Variants in BAZ1B observed in about 807,000 individuals in gnomAD.
BAZ1B encodes bromodomain adjacent to zinc finger domain 1B, also known as tyrosine-protein kinase BAZ1B.
A neutral mutation model predicts 153.8 loss-of-function variants in BAZ1B; 22 were observed. The ratio of observed to expected loss-of-function variants is 0.14; its 90% CI spans 0.10 to 0.20. The LOEUF is 0.20. Ranked by LOEUF, BAZ1B falls within the 10% of genes least tolerant of loss-of-function variation. The probability of loss-of-function intolerance (pLI) is 1.00; values close to 1 mark genes in which losing one functional copy is unlikely to be tolerated. For missense variants in BAZ1B, 1,325 were observed against 1,799.3 expected (o/e 0.74, Z 4.77); for synonymous variants, 676 against 633.4 (o/e 1.07, Z -1.01).
intron 12 of BAZ1B, chr7:73,462,678 T>C (rs1788435036): frequency 6.1e-6 from 3 of 494,294 alleles, no homozygotes; most frequent in South Asian, 4.3e-5. Context: ...TTCACCTTAG[T>C]AGTGAAGCTC....
At chr7:73,467,171 G>A (rs1327316526) in intron 9 of BAZ1B, among the ~76,000 whole-genome samples, 2 of 151,552 alleles carry the variant, frequency 1.3e-5, no homozygotes, top group African/African-American at 2.4e-5. Context: ...GACCTCAGGT[G>A]ATCCGCCCGC....
intron 4 of BAZ1B, among the ~76,000 whole-genome samples, chr7:73,493,839 CAA>C (rs142781016): frequency 5.7e-4 from 33 of 58,256 alleles, no homozygotes; most frequent in Admixed American, 9.7e-4. Context: ...ACCCTGTCTC[CAA>C]AAAAAAAAAA....
chr7:73,445,174 T>TC (rs1465004017), intron 16 of BAZ1B, among the ~76,000 whole-genome samples: 1 of 152,100 alleles, frequency 6.6e-6, no homozygotes, highest in Non-Finnish European at 1.5e-5. Context: ...TCCACCACCT[T>TC]CCCTTGGGGA....
chr7:73,499,985 T>TA (rs1480632982), intron 3 of BAZ1B, among the ~76,000 whole-genome samples: 1 of 152,184 alleles, frequency 6.6e-6, no homozygotes, highest in Non-Finnish European at 1.5e-5. Flanking sequence ...ACTGTTCTGT[T>TA]ATTGTTTTAA....
At chr7:73,501,398 A>G (rs1384300122) in intron 3 of BAZ1B, among the ~76,000 whole-genome samples, 1 of 152,066 alleles carries the variant, frequency 6.6e-6, no homozygotes, top group Non-Finnish European at 1.5e-5. Context: ...GTCCAACCAC[A>G]CTGATTTTTC....
At chr7:73,458,624 T>C (rs1412337132) in intron 13 of BAZ1B, among the ~76,000 whole-genome samples, 1 of 147,466 alleles carries the variant, frequency 6.8e-6, no homozygotes, top group Non-Finnish European at 1.5e-5. Flanking sequence ...TGCAGTGAGC[T>C]GAGATTATGC....
chr7:73,474,035 T>TACTA (rs1563378416), intron 7 of BAZ1B, among the ~76,000 whole-genome samples: 2 of 152,196 alleles, frequency 1.3e-5, no homozygotes, highest in Non-Finnish European at 1.5e-5. Context: ...TTCCGAAACT[T>TACTA]ACTACAAAGC....
intron 19 of BAZ1B, 45 bp downstream of exon 19, chr7:73,442,136 T>TACCAG: frequency 1.7e-6 from 1 of 573,492 alleles, no homozygotes; most frequent in Middle Eastern, 5.5e-4. Context: ...CTCGCTCGCC[T>TACCAG]CCCTCCCACC....
At chr7:73,518,217 C>G (rs1403335661) in intron 1 of BAZ1B, among the ~76,000 whole-genome samples, 1 of 146,124 alleles carries the variant, frequency 6.8e-6, no homozygotes, top group Non-Finnish European at 1.5e-5. Flanking sequence ...CTGGCTAACA[C>G]AATGAAACCC....
At chr7:73,454,209 C>T (rs1485947871) in intron 13 of BAZ1B, among the ~76,000 whole-genome samples, 1 of 151,876 alleles carries the variant, frequency 6.6e-6, no homozygotes, top group Non-Finnish European at 1.5e-5. Flanking sequence ...ACCTGTAGTT[C>T]CAGCTACTCG....
chr7:73,515,529 T>C (rs1790762312), intron 1 of BAZ1B, among the ~76,000 whole-genome samples: 1 of 145,698 alleles, frequency 6.9e-6, no homozygotes, highest in African/African-American at 2.6e-5. Context: ...CCAGCCTTGT[T>C]CCTTTTTTTT....
chr7:73,470,887 A>G (rs1025126351), intron 7 of BAZ1B, among the ~76,000 whole-genome samples: 34 of 152,012 alleles, frequency 2.2e-4, no homozygotes, highest in African/African-American at 6.5e-4. Flanking sequence ...GGCACACACC[A>G]CCGTGTCCAG....
rs143538934 is a variant in BAZ1B at position 73,470,334 on chromosome 7, T to A, written c.2732+11A>T. On this transcript the variant is annotated intron_variant, in intron 8 of 19. Transcript: ENST00000339594. ...TCCTAAAGAAAACAAAAATTTGGTTTAGGAACTGACCTATTATGGTTTCGA... is the reference window on the plus strand; with the variant it reads ...TCCTAAAGAAAACAAAAATTTGGTTAAGGAACTGACCTATTATGGTTTCGA... The A allele has an allele frequency of 1.4e-5, 23 of 1,598,916 alleles. No individual in the cohort carries two copies. Among genetic ancestry groups the A allele is most frequent in the Non-Finnish European group, 1.9e-5 (22 of 1,172,910 alleles).
chr7:73,476,847 T>C, intron 7 of BAZ1B, 21 bp downstream of exon 7: 2 of 1,572,814 alleles, frequency 1.3e-6, no homozygotes, highest in South Asian at 1.2e-5. Context: ...CTTCCCCTTT[T>C]CTCTCAGCAT....
chr7:73,475,801 G>A (rs930872341), intron 7 of BAZ1B, among the ~76,000 whole-genome samples: 1 of 151,918 alleles, frequency 6.6e-6, no homozygotes, highest in Non-Finnish European at 1.5e-5. Context: ...GCGCATGCCT[G>A]TAATCCCAGC....
intron 9 of BAZ1B, among the ~76,000 whole-genome samples, chr7:73,469,048 T>G (rs1240062085): frequency 2.0e-5 from 3 of 151,192 alleles, no homozygotes; most frequent in African/African-American, 7.3e-5. Flanking sequence ...GAGAAGTGTT[T>G]GAACCCAGGA....
intron 4 of BAZ1B, among the ~76,000 whole-genome samples, chr7:73,495,821 C>T (rs1554576304): frequency 6.6e-6 from 1 of 152,090 alleles, no homozygotes; most frequent in Admixed American, 6.6e-5. Context: ...TAAGTGGGAG[C>T]TAAATGATGA....
At chr7:73,454,375 C>A (rs781886716) in intron 13 of BAZ1B, among the ~76,000 whole-genome samples, 2 of 152,160 alleles carry the variant, frequency 1.3e-5, no homozygotes, top group Non-Finnish European at 2.9e-5. Flanking sequence ...TGACACACCA[C>A]ATAGTAAGTG....
chr7:73,515,317 A>G (rs996890009), intron 1 of BAZ1B, among the ~76,000 whole-genome samples: 9 of 152,116 alleles, frequency 5.9e-5, no homozygotes, highest in African/African-American at 2.2e-4. Context: ...TGGCTTGTCT[A>G]CAAGGTCCCT....
Sources: gnomAD v4.1 joint callset for allele counts (sites outside exome capture counted in the v4.1 genomes callset) on GRCh38, gnomAD v4.1.1 for gene constraint, MANE v1.5 for transcripts, NCBI Gene and HGNC (gene_info 2026-07-23, HGNC 2026-07-21) for gene names.